Variants in DEPDC5 observed in about 807,000 individuals in gnomAD.
DEPDC5 encodes GATOR1 complex protein DEPDC5.
Under a neutral mutation model 217.3 loss-of-function variants are expected in DEPDC5, and 73 were observed. That is an observed-to-expected ratio of 0.34 (90% CI 0.28 to 0.41). The LOEUF (loss-of-function observed/expected upper bound fraction) is 0.41, where lower values mean the gene tolerates loss of function less well. Among genes scored for constraint, DEPDC5 ranks in the 10% least tolerant of loss-of-function variants. The pLI, the probability that DEPDC5 is intolerant of heterozygous loss-of-function variation, is 1.00. For synonymous variants in DEPDC5, 733 were observed against 756.7 expected, an observed-to-expected ratio of 0.97 and a Z score of 0.51; for missense variants, 1,675 against 2,070.1, an observed-to-expected ratio of 0.81 and a Z score of 3.70.
chr22:31,840,158 C>G lies in DEPDC5; in HGVS notation c.2515+1313C>G, dbSNP rs899863710. 3.9e-5 allele frequency among the ~76,000 whole-genome samples: 6 copies of G among 152,032 alleles called. No individual in the cohort carries two copies. In the South Asian group the frequency reaches 1.0e-3, roughly 26 times the overall value. ...GCTGAGGGAGAAGTCATGGGGCTGTCAGAACATTTAATATGGGGCCCTATC... is the reference window on the plus strand; with the variant it reads ...GCTGAGGGAGAAGTCATGGGGCTGTGAGAACATTTAATATGGGGCCCTATC... On this transcript the variant is annotated intron_variant, in intron 27 of 42. Coordinates refer to ENST00000651528, the MANE Select transcript of DEPDC5 (RefSeq NM_001242896.3).
At chr22:31,818,926 G>A (rs891978607) in intron 21 of DEPDC5, 96 bp from the exon 22 acceptor site, 47 of 1,286,836 alleles carry the variant, frequency 3.7e-5, no homozygotes, top group Non-Finnish European at 5.1e-5. Context: ...TAATGCCCAA[G>A]ATTCTTGTCA....
rs2083057352 is a variant in DEPDC5, at chr22:31,768,822, A to G, written c.372A>G (p.Thr124=). The G allele has an allele frequency of 6.2e-7, 1 of 1,613,240 alleles. No homozygotes were observed. Among genetic ancestry groups the G allele is most frequent in the Non-Finnish European group, 8.5e-7 (1 of 1,179,744 alleles). ...MWRLKKSLVS[T]CAYITQKVEF... ...TCTCCCCCTCCTCTTAGGTCAGCAC[A>G]TGTGCCTATATCACCCAGAAGGTGG... The change falls in exon 7 of 43, where the codon ACA becomes ACG. Residue 124 remains threonine, a synonymous_variant. Transcript: ENST00000651528.
intron 20 of DEPDC5, among the ~76,000 whole-genome samples, chr22:31,812,703 C>A (rs1381849057): frequency 6.9e-6 from 1 of 145,086 alleles, no homozygotes; most frequent in African/African-American, 2.5e-5. Context: ...GGATTACAGG[C>A]GTGAGCCACC....
intron 38 of DEPDC5, among the ~76,000 whole-genome samples, chr22:31,892,748 C>A (rs2093465220): frequency 1.3e-5 from 2 of 152,086 alleles, no homozygotes; most frequent in Non-Finnish European, 2.9e-5. Context: ...CTGCTGCCCC[C>A]ACTATCAACA....
intron 10 of DEPDC5, among the ~76,000 whole-genome samples, chr22:31,785,634 A>C (rs927898166): frequency 6.7e-6 from 1 of 150,258 alleles, no homozygotes; most frequent in Non-Finnish European, 1.5e-5. Flanking sequence ...ATTGCAAGGG[A>C]TCCTGAATAG....
intron 18 of DEPDC5, among the ~76,000 whole-genome samples, chr22:31,808,610 G>A (rs142146772): frequency 0.025 from 3,805 of 151,782 alleles, 61 homozygotes; most frequent in African/African-American, 0.042. Flanking sequence ...AATTTTTTGT[G>A]TTTTTAGTAG....
At chr22:31,867,785 C>A (rs2092727584) in intron 33 of DEPDC5, among the ~76,000 whole-genome samples, 1 of 152,048 alleles carries the variant, frequency 6.6e-6, no homozygotes. Context: ...CTTTAACCAC[C>A]CCCTACCCCG....
intron 24 of DEPDC5, 176 bp downstream of exon 24, chr22:31,822,966 C>A: frequency 1.7e-6 from 1 of 599,084 alleles, no homozygotes; most frequent in Non-Finnish European, 2.9e-6. Flanking sequence ...ATGGGCTGCA[C>A]GTTAACATTT....
intron 4 of DEPDC5, among the ~76,000 whole-genome samples, chr22:31,762,417 A>G (rs894144687): frequency 3.3e-5 from 5 of 152,222 alleles, no homozygotes; most frequent in African/African-American, 4.8e-5. Context: ...AGTAAATAAG[A>G]TACTCTTTTA....
intron 37 of DEPDC5, among the ~76,000 whole-genome samples, chr22:31,877,461 A>C (rs909594269): frequency 1.4e-5 from 2 of 146,406 alleles, no homozygotes; most frequent in Admixed American, 6.8e-5. Context: ...AAAAAAAAAA[A>C]AAAAAACAGG....
At chr22:31,796,970 C>T (rs2086310624) in intron 12 of DEPDC5, among the ~76,000 whole-genome samples, 1 of 150,096 alleles carries the variant, frequency 6.7e-6, no homozygotes, top group South Asian at 2.1e-4. Flanking sequence ...ACTGGAATTA[C>T]AAGTATGAGC....
intron 14 of DEPDC5, among the ~76,000 whole-genome samples, chr22:31,799,257 A>G (rs2086596558): frequency 6.6e-6 from 1 of 151,258 alleles, no homozygotes; most frequent in Admixed American, 6.6e-5. Context: ...GTTGGCCAGC[A>G]TGGTCTCGAT....
chr22:31,861,547 T>C (rs147695973), intron 33 of DEPDC5, 114 bp downstream of exon 33: 22 of 1,106,942 alleles, frequency 2.0e-5, no homozygotes, highest in Middle Eastern at 5.7e-4. Flanking sequence ...TGGGGGGCAG[T>C]TGAACTTGAA....
intron 19 of DEPDC5, 107 bp from the exon 20 acceptor site, chr22:31,810,414 T>A (rs750029533): frequency 2.6e-6 from 4 of 1,526,854 alleles, no homozygotes; most frequent in African/African-American, 1.4e-5. Context: ...TGAAGGCCTC[T>A]GTTTGAAATG....
chr22:31,772,569 G>A (rs2083455211), intron 7 of DEPDC5, among the ~76,000 whole-genome samples: 1 of 152,060 alleles, frequency 6.6e-6, no homozygotes, highest in African/African-American at 2.4e-5. Flanking sequence ...TTTGTGAGTA[G>A]CAATAGATCT....
intron 37 of DEPDC5, 69 bp from the exon 38 acceptor site, chr22:31,879,456 G>GA: frequency 7.0e-7 from 1 of 1,433,534 alleles, no homozygotes; most frequent in Non-Finnish European, 9.7e-7. Context: ...TTATCAAGTT[G>GA]TAGCATGCAT....
chr22:31,780,858 C>T (rs962139615), intron 8 of DEPDC5, among the ~76,000 whole-genome samples: 2 of 152,214 alleles, frequency 1.3e-5, no homozygotes, highest in African/African-American at 4.8e-5. Flanking sequence ...GGCATGTCTA[C>T]TGGCACCTAG....
rs1309569818 is a variant in DEPDC5 at position 31,906,443 on chromosome 22, G to T, written c.4758G>T (p.Arg1586=). The T allele has an allele frequency of 6.2e-7, 1 of 1,614,056 alleles. No homozygotes were observed. The highest frequency in any genetic ancestry group is 1.1e-5 in the South Asian group (1 of 91,090). ...ACTTCTGCATCAACCGTGACAACCG[G>T]CTGGTCACGTTCTGGACAAGTTGCC... is the stretch of plus-strand genomic sequence containing the variant. ...FTDFCINRDN[R]LVTFWTSCLE... is the part of the protein sequence containing the mutation. Residue 1586 remains arginine, a synonymous_variant, in exon 43 of 43, where the codon CGG becomes CGT. Transcript: ENST00000651528. The surrounding 1 kb of genome is among the most constrained non-coding windows in gnomAD (Gnocchi z 5.1).
intron 12 of DEPDC5, among the ~76,000 whole-genome samples, chr22:31,795,245 T>C (rs2086112387): frequency 6.6e-6 from 1 of 151,886 alleles, no homozygotes; most frequent in South Asian, 2.1e-4. Context: ...AATTTTTTTA[T>C]TTTTAGTAGA....
Sources: gnomAD v4.1 joint callset for allele counts (sites outside exome capture counted in the v4.1 genomes callset) on GRCh38, gnomAD v4.1.1 for gene constraint, Gnocchi (gnomAD v3.1) non-coding constraint, MANE v1.5 for transcripts, NCBI Gene and HGNC (gene_info 2026-07-23, HGNC 2026-07-21) for gene names.